Variants in AGBL1 observed in about 807,000 individuals in gnomAD.
The protein encoded by AGBL1 is AGBL carboxypeptidase 1.
AGBL1 carries 130 observed loss-of-function variants against 118.9 expected under a neutral mutation model. The ratio of observed to expected loss-of-function variants is 1.09; its 90% confidence interval spans 0.95 to 1.26. AGBL1 has a LOEUF of 1.26. Among genes scored for constraint, AGBL1 ranks in the 50% most tolerant of loss-of-function variants. AGBL1 has a pLI of 0.00. For missense variants in AGBL1, 1,584 were observed against 1,298.1 expected, an observed-to-expected ratio of 1.22 and a Z score of -3.38; for synonymous variants, 555 against 478.9, an observed-to-expected ratio of 1.16 and a Z score of -2.08.
intron 7 of AGBL1, among the ~76,000 whole-genome samples, chr15:86,252,462 A>G (rs1233144810): frequency 1.3e-5 from 2 of 152,180 alleles, no homozygotes; most frequent in Non-Finnish European, 2.9e-5. Context: ...TGGGTTCTAT[A>G]GGGGGTTCAA....
At chr15:86,945,848 C>T (rs142722472) in intron 23 of AGBL1, among the ~76,000 whole-genome samples, 1 of 152,266 alleles carries the variant, frequency 6.6e-6, no homozygotes, top group East Asian at 1.9e-4. Context: ...TTGGACCTCA[C>T]CAAAGTTTTT....
chr15:86,266,225 G>T (rs28555479), intron 11 of AGBL1, 149 bp from the exon 12 acceptor site: 6,115 of 498,458 alleles, frequency 0.012, 322 homozygotes, highest in African/African-American at 0.11. Flanking sequence ...CTATTTGTAT[G>T]CTCTGAGCTC....
Position 86,548,497 on chromosome 15 carries a change from A to G in AGBL1, c.2817+2364A>G, listed in dbSNP as rs571413498. Among the ~76,000 whole-genome samples, 4 of 152,286 alleles carry G rather than the reference A, an allele frequency of 2.6e-5. No individual in the cohort carries two copies. In the East Asian group the frequency reaches 5.8e-4, roughly 22 times the overall value. On this transcript the variant is annotated intron_variant, in intron 20 of 22. Coordinates refer to ENST00000614907, the MANE Select transcript of AGBL1 (RefSeq NM_001386094.1). ...GACTCTGTAAATTGACCAAATACAG[A>G]TGATAAATTGAGAAGCATTTATTCT...
chr15:86,803,108 A>G (rs1567181091), intron 22 of AGBL1, among the ~76,000 whole-genome samples: 1 of 152,162 alleles, frequency 6.6e-6, no homozygotes, highest in Non-Finnish European at 1.5e-5. Flanking sequence ...GATTTGTTTC[A>G]TAAGGAGCAT....
intron 22 of AGBL1, among the ~76,000 whole-genome samples, chr15:86,721,652 C>T (rs1475454387): frequency 6.6e-6 from 1 of 152,142 alleles, no homozygotes; most frequent in Non-Finnish European, 1.5e-5. Flanking sequence ...GAAGTTCTGG[C>T]CAGGGCAATT....
intron 1 of AGBL1, chr15:86,083,439 A>T (rs1199400550): frequency 6.6e-6 from 1 of 152,190 alleles, no homozygotes. Flanking sequence ...CATTTTTGCC[A>T]TTTCCATTTG....
At chr15:86,199,088 A>C (rs901495650) in intron 5 of AGBL1, among the ~76,000 whole-genome samples, 3 of 152,218 alleles carry the variant, frequency 2.0e-5, no homozygotes, top group Non-Finnish European at 4.4e-5. Flanking sequence ...ATTAATCATT[A>C]TACATACATG....
chr15:86,101,892 G>A (rs144760401), intron 1 of AGBL1, among the ~76,000 whole-genome samples: 1 of 151,862 alleles, frequency 6.6e-6, no homozygotes, highest in South Asian at 2.1e-4. Context: ...GATATGTGAG[G>A]GCTTATTCCT....
chr15:86,568,714 A>T (rs944015719), intron 21 of AGBL1, among the ~76,000 whole-genome samples: 2 of 152,128 alleles, frequency 1.3e-5, no homozygotes, highest in Non-Finnish European at 2.9e-5. Context: ...CACCTACTGA[A>T]TCTGCATTTT....
rs762598466 is a variant in AGBL1, at chr15:86,554,518, G to A, written c.2975G>A (p.Cys992Tyr). ...ACCATGGAAAGCAGCTACTGTGGCT[G>A]CAACCAGGGCCCTTATCAGGTATGT... ...SYTMESSYCG[C>Y]NQGPYQGLQF... is the part of the protein sequence containing the mutation. Residue 992 changes from cysteine (C) to tyrosine (Y), a missense_variant, in exon 21 of 23, where the codon TGC becomes TAC. Transcript: ENST00000614907. The A allele has an allele frequency of 1.1e-5, 17 of 1,546,076 alleles. No homozygotes were observed. The South Asian group carries it at 1.7e-4, about 16-fold the overall frequency.
In AGBL1 at chr15:86,914,505, C is replaced by T. The variant is rs966531794; in HGVS notation, c.*7211C>T. 1.3e-5 allele frequency: 2 copies of T among 152,182 alleles called. No individual in the cohort carries two copies. The highest frequency in any genetic ancestry group is 2.9e-5 in the Non-Finnish European group (2 of 68,030). 9.4% of individuals were successfully genotyped at this position (152,182 alleles called of 1,614,324 possible). A position where few individuals can be genotyped will look rare whatever the true frequency, so the allele number is the denominator to read the frequency against. On this transcript the variant is annotated 3_prime_UTR_variant, in exon 23 of 23. Transcript: ENST00000614907. ...CTAACTCATGCTCCCTCCACTTCCC[C>T]AGAGGAGGTGAATATGAACCATAAC...
At chr15:86,756,555 G>C (rs988095835) in intron 22 of AGBL1, among the ~76,000 whole-genome samples, 1 of 152,080 alleles carries the variant, frequency 6.6e-6, no homozygotes, top group African/African-American at 2.4e-5. Context: ...ATTTAACCTA[G>C]AATAAGGGAA....
chr15:86,530,313 T>G (rs1319695437), intron 19 of AGBL1, among the ~76,000 whole-genome samples: 2 of 122,316 alleles, frequency 1.6e-5, no homozygotes, highest in East Asian at 2.3e-4. Context: ...GCAATCCTAG[T>G]CTCTGATAAA....
In AGBL1 at chr15:86,142,068, G is replaced by A; in HGVS notation, c.115+1G>A. The A allele has an allele frequency of 1.3e-6, 2 of 1,550,098 alleles. No homozygotes were observed. The highest frequency in any genetic ancestry group is 1.7e-6 in the Non-Finnish European group (2 of 1,146,734). On this transcript the variant is annotated splice_donor_variant, in intron 2 of 22. Transcript: ENST00000614907. LOFTEE classifies it high-confidence loss of function. ...GTCCTCGGAGATCTGCTTTCTGTTG[G>A]TGAGTAGGCCATGCTCTCATGCTTT...
chr15:86,958,954 C>G (rs376125139), intron 23 of AGBL1, among the ~76,000 whole-genome samples: 1 of 151,970 alleles, frequency 6.6e-6, no homozygotes, highest in African/African-American at 2.4e-5. Flanking sequence ...CAGTAAGGTA[C>G]CATATATTTG....
intron 22 of AGBL1, among the ~76,000 whole-genome samples, chr15:86,789,704 A>T (rs561907232): frequency 6.6e-6 from 1 of 152,284 alleles, no homozygotes; most frequent in East Asian, 1.9e-4. Context: ...TGTAAGTTTT[A>T]GCAGTCTTTG....
intron 22 of AGBL1, among the ~76,000 whole-genome samples, chr15:86,769,519 T>A (rs2078143076): frequency 6.6e-6 from 1 of 152,034 alleles, no homozygotes; most frequent in Non-Finnish European, 1.5e-5. Context: ...TATTTACTTT[T>A]ACCTTCTGCA....
intron 17 of AGBL1, among the ~76,000 whole-genome samples, chr15:86,350,262 T>C (rs1384427410): frequency 6.6e-6 from 1 of 151,996 alleles, no homozygotes; most frequent in East Asian, 1.9e-4. Flanking sequence ...ATGAGGGAGG[T>C]GAAACTCACA....
chr15:86,094,385 A>G (rs537127035), intron 1 of AGBL1, among the ~76,000 whole-genome samples: 48 of 152,304 alleles, frequency 3.2e-4, no homozygotes, highest in Non-Finnish European at 5.6e-4. Flanking sequence ...CTTTAATGAC[A>G]TGGTATTTTG....
Sources: allele counts gnomAD v4.1 joint callset (sites outside exome capture counted in the v4.1 genomes callset), GRCh38; gene constraint gnomAD v4.1.1; transcripts MANE v1.5; gene names NCBI Gene and HGNC (gene_info 2026-07-23, HGNC 2026-07-21).